RAPGEF4: variants seen among roughly 807,000 people sequenced by gnomAD.
The protein encoded by RAPGEF4 is Rap guanine nucleotide exchange factor 4.
RAPGEF4 carries 66 observed loss-of-function variants against 147.9 expected under a neutral mutation model. The ratio of observed to expected loss-of-function variants is 0.45; its 90% CI spans 0.37 to 0.55. The LOEUF (loss-of-function observed/expected upper bound fraction) is 0.55, where lower values mean the gene tolerates loss of function less well. Ranked by LOEUF, RAPGEF4 falls within the 20% of genes least tolerant of loss-of-function variation. RAPGEF4 has a pLI of 0.00. For synonymous variants in RAPGEF4, 419 were observed against 442.7 expected (o/e 0.95, Z 0.67); for missense variants, 1,071 against 1,257.3 (o/e 0.85, Z 2.24).
At chr2:172,784,729 T>G (rs2149519367) in intron 1 of RAPGEF4, among the ~76,000 whole-genome samples, 1 of 152,352 alleles carries the variant, frequency 6.6e-6, no homozygotes, top group Middle Eastern at 3.4e-3. Flanking sequence ...TCAAAGACTT[T>G]TGCTATATCC....
chr2:172,826,268 G>A (rs1280773388), intron 4 of RAPGEF4, among the ~76,000 whole-genome samples: 1 of 152,148 alleles, frequency 6.6e-6, no homozygotes, highest in Non-Finnish European at 1.5e-5. Flanking sequence ...TTTTTTGTGT[G>A]CATCCATATC....
intron 4 of RAPGEF4, among the ~76,000 whole-genome samples, chr2:172,848,879 A>G (rs1042245423): frequency 6.6e-6 from 1 of 152,178 alleles, no homozygotes; most frequent in African/African-American, 2.4e-5. Context: ...CTAATGCATC[A>G]GAGGAGCTTA....
In RAPGEF4 at chr2:172,799,483, T is replaced by G. The variant is rs139984461; in HGVS notation, c.297+1870T>G. ...CATCCTTTCAGATTACCCCATGTCC[T>G]TCTTTCTGCATATCTCCTACCTGTG... is the stretch of plus-strand genomic sequence containing the variant. On this transcript the variant is annotated intron_variant, in intron 3 of 30. Coordinates refer to ENST00000397081, the MANE Select transcript of RAPGEF4 (RefSeq NM_007023.4). Among the ~76,000 whole-genome samples, 145 of 152,304 alleles carry G rather than the reference T, an allele frequency of 9.5e-4. 2 individuals carry two copies. Among genetic ancestry groups the G allele is most frequent in the African/African-American group, 3.3e-3 (136 of 41,572 alleles).
At chr2:172,896,056 A>G (rs1698440492) in intron 4 of RAPGEF4, among the ~76,000 whole-genome samples, 1 of 152,218 alleles carries the variant, frequency 6.6e-6, no homozygotes, top group South Asian at 2.1e-4. Flanking sequence ...AGAAGTCAAC[A>G]TTTTAAACAT....
At chr2:173,028,847 C>A (rs1165303648) in intron 25 of RAPGEF4, among the ~76,000 whole-genome samples, 2 of 152,168 alleles carry the variant, frequency 1.3e-5, no homozygotes, top group East Asian at 3.9e-4. Flanking sequence ...TCTTTGCCTG[C>A]CCAGAACTGT....
chr2:172,781,613 A>G (rs921404053), intron 1 of RAPGEF4, among the ~76,000 whole-genome samples: 5 of 152,180 alleles, frequency 3.3e-5, no homozygotes, highest in Admixed American at 6.5e-5. Flanking sequence ...TGCTGCATTT[A>G]TGTACAGTCG....
intron 4 of RAPGEF4, 64 bp downstream of exon 4, chr2:172,814,489 G>A (rs773053533): frequency 1.3e-6 from 2 of 1,532,116 alleles, no homozygotes. Flanking sequence ...CTGCCACATG[G>A]ATAATGGCAT....
At chr2:172,735,435 C>CA (rs1693664347), upstream of RAPGEF4, 1 of 152,326 alleles carries the variant, frequency 6.6e-6, no homozygotes, top group Admixed American at 6.5e-5. Context: ...CAAGTTTCGA[C>CA]AGCTGCTGAG....
chr2:173,032,512 ACT>A (rs1697286895), intron 26 of RAPGEF4, among the ~76,000 whole-genome samples: 1 of 151,858 alleles, frequency 6.6e-6, no homozygotes, highest in African/African-American at 2.4e-5. Flanking sequence ...AACATAATCC[ACT>A]CTTATTTTTT....
At position 172,925,268 on chromosome 2, in the gene RAPGEF4, C is replaced by T. The variant is rs141246798; in HGVS notation, c.537+2968C>T. On this transcript the variant is annotated intron_variant, in intron 6 of 30. Transcript: ENST00000397081. ...TGATGAGATTACGGGTGTGAGCCACCACACCCAGCCACCATGTTTAACTTT... is the reference window on the plus strand; with the variant it reads ...TGATGAGATTACGGGTGTGAGCCACTACACCCAGCCACCATGTTTAACTTT... Among the ~76,000 whole-genome samples, 461 of 152,310 alleles carry T rather than the reference C, an allele frequency of 3.0e-3. 5 individuals carry two copies. The highest frequency in any genetic ancestry group is 0.01 in the African/African-American group (436 of 41,566).
At chr2:172,765,845 G>T (rs1417103587) in intron 1 of RAPGEF4, among the ~76,000 whole-genome samples, 1 of 152,254 alleles carries the variant, frequency 6.6e-6, no homozygotes, top group Non-Finnish European at 1.5e-5. Context: ...GGCTCTGGGT[G>T]TGTGCAGAGA....
intron 25 of RAPGEF4, 52 bp downstream of exon 25, chr2:173,027,311 A>AT (rs1696759564): frequency 1.1e-5 from 16 of 1,457,100 alleles, no homozygotes; most frequent in Non-Finnish European, 1.5e-5. Context: ...CTGTGTTTTC[A>AT]TTTTGTTTTC....
At chr2:172,852,678 T>C (rs1559076377) in intron 4 of RAPGEF4, among the ~76,000 whole-genome samples, 1 of 152,148 alleles carries the variant, frequency 6.6e-6, no homozygotes, top group Non-Finnish European at 1.5e-5. Context: ...CAGGGGTGAA[T>C]AGAAGTGGTG....
intron 17 of RAPGEF4, among the ~76,000 whole-genome samples, chr2:173,004,832 T>G (rs1694276247): frequency 6.6e-6 from 1 of 152,032 alleles, no homozygotes; most frequent in Admixed American, 6.6e-5. Flanking sequence ...ATGTTACATG[T>G]GCTTTTTGGT....
At chr2:172,873,432 G>T (rs948276405) in intron 4 of RAPGEF4, among the ~76,000 whole-genome samples, 5 of 152,156 alleles carry the variant, frequency 3.3e-5, no homozygotes, top group African/African-American at 1.2e-4. Flanking sequence ...ATAGTCTTTA[G>T]ATTGTATATC....
rs367861273 is a variant in RAPGEF4, at chr2:172,832,646, G to A, written c.444+18221G>A. Among the ~76,000 whole-genome samples the A allele has an allele frequency of 1.3e-3, 195 of 152,314 alleles. No homozygotes were observed. The South Asian group carries it at 0.019, about 15-fold the overall frequency. On this transcript the variant is annotated intron_variant, in intron 4 of 30. Transcript: ENST00000397081. ...AATTTGAACTTCCTAGCTCGGACATGTGTATATATTTCATTCTTACTAGGG... is the reference window on the plus strand; with the variant it reads ...AATTTGAACTTCCTAGCTCGGACATATGTATATATTTCATTCTTACTAGGG...
chr2:173,020,520 G>C, intron 22 of RAPGEF4, 98 bp from the exon 23 acceptor site: 1 of 952,218 alleles, frequency 1.1e-6, no homozygotes, highest in Non-Finnish European at 1.7e-6. Context: ...TGCGTGTTCC[G>C]GTAATTCACC....
chr2:172,915,771 T>C (rs1252596776), intron 4 of RAPGEF4, among the ~76,000 whole-genome samples: 1 of 151,020 alleles, frequency 6.6e-6, no homozygotes, highest in African/African-American at 2.4e-5. Flanking sequence ...AGTGGATAAA[T>C]GTGTAGATGA....
chr2:172,855,445 A>C (rs970919193), intron 4 of RAPGEF4, among the ~76,000 whole-genome samples: 1 of 152,140 alleles, frequency 6.6e-6, no homozygotes, highest in Non-Finnish European at 1.5e-5. Context: ...AATACAAGTA[A>C]TATTTTTAAG....
Sources: allele counts gnomAD v4.1 joint callset (sites outside exome capture counted in the v4.1 genomes callset), GRCh38; gene constraint gnomAD v4.1.1; transcripts MANE v1.5; gene names NCBI Gene and HGNC (gene_info 2026-07-23, HGNC 2026-07-21).